CCDC102B: variants seen among roughly 807,000 people sequenced by gnomAD.
CCDC102B encodes coiled-coil domain containing 102B.
A neutral mutation model predicts 57.4 loss-of-function variants in CCDC102B; 75 were observed. The observed-to-expected ratio is 1.31, with a 90% CI of 1.08 to 1.58. CCDC102B has a LOEUF of 1.58. CCDC102B is among the 40% of genes most tolerant of loss of function. The pLI is 0.00. For synonymous variants in CCDC102B, 206 were observed against 201.9 expected (o/e 1.02, Z -0.17); for missense variants, 636 against 582.6 (o/e 1.09, Z -0.94).
intron 1 of CCDC102B, among the ~76,000 whole-genome samples, chr18:68,833,778 A>G (rs2037246816): frequency 6.6e-6 from 1 of 152,216 alleles, no homozygotes; most frequent in Admixed American, 6.5e-5. Context: ...TATACTTTGT[A>G]GACCCTTAAC....
rs775382578 is a variant in CCDC102B, at chr18:68,837,025, A to C, written c.262A>C (p.Met88Leu). The C allele has an allele frequency of 6.2e-7, 1 of 1,614,204 alleles. No homozygotes were observed. Among genetic ancestry groups the C allele is most frequent in the Middle Eastern group, 1.6e-4 (1 of 6,062 alleles). Residue 88 changes from methionine to leucine, a missense_variant, in exon 2 of 8, where the codon ATG (methionine) becomes CTG (leucine). Physicochemically the swap from Met to Leu is conservative, Grantham distance 15 (BLOSUM62 2). Transcript: ENST00000360242. ...AGAAGTCAAGGCCAGAGCTGCTCAG[A>C]TGGAAAAGACCATGCGGTGGTGGTC... ...LEEVKARAAQ[M>L]EKTMRWWSDC...
chr18:68,873,178 T>G (rs577204779), intron 4 of CCDC102B, among the ~76,000 whole-genome samples: 2 of 152,262 alleles, frequency 1.3e-5, no homozygotes, highest in South Asian at 2.1e-4. Flanking sequence ...TCCATGATAG[T>G]GAGCTGGACT....
At position 68,897,642 on chromosome 18, in the gene CCDC102B, C is replaced by T. The variant is rs542640649; in HGVS notation, c.1263+214C>T. The T allele has an allele frequency of 1.2e-5, 18 of 1,481,628 alleles. No individual in the cohort carries two copies. In the African/African-American group the frequency reaches 1.9e-4, roughly 16 times the overall value. The allele number at this position is 1,481,628 out of a possible 1,614,324, so 91.8% of individuals were successfully genotyped here. ...CAAATGTTAAAATATGACAAATCTT[C>T]AGACAGTTTCAAGATTTCCAAAAGG... On this transcript the variant is annotated intron_variant, in intron 6 of 7. Coordinates refer to ENST00000360242, the MANE Select transcript of CCDC102B (RefSeq NM_024781.3).
chr18:69,011,425 T>C (rs1318164775), intron 7 of CCDC102B, among the ~76,000 whole-genome samples: 1 of 151,904 alleles, frequency 6.6e-6, no homozygotes, highest in Non-Finnish European at 1.5e-5. Context: ...CATTAAAGCT[T>C]GGGTGTTTTA....
At chr18:68,983,835 C>A (rs749725371) in intron 6 of CCDC102B, among the ~76,000 whole-genome samples, 13 of 151,792 alleles carry the variant, frequency 8.6e-5, no homozygotes, top group Non-Finnish European at 1.6e-4. Context: ...TTGAATGAAG[C>A]TGGTCTCATG....
At chr18:68,977,216 T>A (rs1459254357) in intron 6 of CCDC102B, among the ~76,000 whole-genome samples, 2 of 152,016 alleles carry the variant, frequency 1.3e-5, no homozygotes, top group African/African-American at 4.8e-5. Context: ...AGTTATCAGT[T>A]TATAGTCTTG....
At chr18:68,903,713 C>T (rs2145043538) in intron 6 of CCDC102B, among the ~76,000 whole-genome samples, 1 of 152,172 alleles carries the variant, frequency 6.6e-6, no homozygotes, top group African/African-American at 2.4e-5. Context: ...AGAAAAGTCC[C>T]ATGTCTCAGG....
chr18:69,019,586 A>G (rs921023026), intron 7 of CCDC102B, among the ~76,000 whole-genome samples: 4 of 152,052 alleles, frequency 2.6e-5, no homozygotes, highest in African/African-American at 7.2e-5. Context: ...TTATCCAGCA[A>G]CTTTACTGAA....
chr18:68,986,661 T>A (rs1417903099), intron 6 of CCDC102B, among the ~76,000 whole-genome samples: 1 of 150,796 alleles, frequency 6.6e-6, no homozygotes, highest in African/African-American at 2.4e-5. Flanking sequence ...TGTCCAGAAA[T>A]CCCTAAAGAT....
chr18:69,044,303 C>A (rs2052505215), intron 7 of CCDC102B, among the ~76,000 whole-genome samples: 1 of 152,112 alleles, frequency 6.6e-6, no homozygotes. Flanking sequence ...ATACAATATT[C>A]TCATTTTGCC....
chr18:69,010,202 A>G (rs950574164), intron 6 of CCDC102B, among the ~76,000 whole-genome samples: 3 of 150,140 alleles, frequency 2.0e-5, no homozygotes, highest in African/African-American at 4.9e-5. Flanking sequence ...TCGGCCTCCC[A>G]AAGTGCTGGG....
intron 1 of CCDC102B, among the ~76,000 whole-genome samples, chr18:68,828,322 CAA>C (rs58180806): frequency 0.019 from 1,502 of 80,688 alleles, 5 homozygotes; most frequent in African/African-American, 0.045. Flanking sequence ...ACCCTATTTA[CAA>C]AAAAAAAAAA....
chr18:69,037,674 A>G (rs1373927262), intron 7 of CCDC102B, among the ~76,000 whole-genome samples: 3 of 152,076 alleles, frequency 2.0e-5, no homozygotes, highest in Non-Finnish European at 4.4e-5. Context: ...AGAGTAAAAC[A>G]AACACCACTG....
chr18:68,751,972 C>A (rs548822098), intron 2 of CCDC102B, among the ~76,000 whole-genome samples: 1 of 152,024 alleles, frequency 6.6e-6, no homozygotes, highest in Non-Finnish European at 1.5e-5. Flanking sequence ...AAGACAGAAA[C>A]GCATCAAGGT....
At chr18:68,776,242 T>C (rs1052600442) in intron 2 of CCDC102B, among the ~76,000 whole-genome samples, 6 of 152,212 alleles carry the variant, frequency 3.9e-5, no homozygotes, top group Non-Finnish European at 7.3e-5. Flanking sequence ...TTCCAATTAA[T>C]TTTGAAAATT....
intron 2 of CCDC102B, among the ~76,000 whole-genome samples, chr18:68,727,961 T>C (rs1471794669): frequency 6.6e-6 from 1 of 152,258 alleles, no homozygotes; most frequent in Admixed American, 6.5e-5. Context: ...CTGTCTCAGA[T>C]ATTGCTCTTT....
At chr18:68,965,792 G>A (rs1019908394) in intron 6 of CCDC102B, among the ~76,000 whole-genome samples, 1 of 151,942 alleles carries the variant, frequency 6.6e-6, no homozygotes, top group Non-Finnish European at 1.5e-5. Flanking sequence ...TAAACATTTG[G>A]TGTACTATGT....
intron 6 of CCDC102B, among the ~76,000 whole-genome samples, chr18:68,996,664 C>A (rs1028707725): frequency 1.3e-5 from 2 of 152,164 alleles, no homozygotes; most frequent in African/African-American, 2.4e-5. Context: ...TACCCAATAC[C>A]TTTACCCCCA....
chr18:68,788,272 G>T (rs1360566907), intron 2 of CCDC102B, among the ~76,000 whole-genome samples: 2 of 152,076 alleles, frequency 1.3e-5, no homozygotes, highest in Non-Finnish European at 2.9e-5. Flanking sequence ...TTTGGAATAG[G>T]TGTGGTGTGG....
Sources: allele counts gnomAD v4.1 joint callset (sites outside exome capture counted in the v4.1 genomes callset), GRCh38; gene constraint gnomAD v4.1.1; transcripts MANE v1.5; gene names NCBI Gene and HGNC (gene_info 2026-07-23, HGNC 2026-07-21).